RNGTT: variants seen among roughly 807,000 people sequenced by gnomAD.
RNGTT encodes the protein mRNA-capping enzyme.
RNGTT carries 33 observed loss-of-function variants against 79.3 expected under a neutral mutation model. That is an observed-to-expected ratio of 0.42 (90% CI 0.32 to 0.56). The LOEUF (loss-of-function observed/expected upper bound fraction) is 0.56. Ranked by LOEUF, RNGTT falls within the 20% of genes least tolerant of loss-of-function variation. The pLI, the probability that RNGTT is intolerant of heterozygous loss-of-function variation, is 0.17. For synonymous variants in RNGTT, 222 were observed against 235.9 expected (o/e 0.94, Z 0.54); for missense variants, 497 against 739.1 (o/e 0.67, Z 3.80).
At chr6:88,757,492 T>C (rs1778060617) in intron 13 of RNGTT, among the ~76,000 whole-genome samples, 2 of 152,060 alleles carry the variant, frequency 1.3e-5, no homozygotes, top group Non-Finnish European at 2.9e-5. Context: ...TTATATGGGG[T>C]AGAGCTAGTA....
In RNGTT at chr6:88,815,269, C is replaced by G. The variant is rs57226801; in HGVS notation, c.1270-13637G>C. 5.1e-3 allele frequency among the ~76,000 whole-genome samples: 780 copies of G among 152,322 alleles called. 7 individuals are homozygous for G. The highest frequency in any genetic ancestry group is 0.018 in the African/African-American group (742 of 41,564). The stretch of plus-strand genomic sequence containing the variant: ...ATACATCATAGCCAGGAAGAGGTAA[C>G]AGCATCCATGACTCCACCAGGAAAG... On this transcript the variant is annotated intron_variant, in intron 11 of 15. Transcript: ENST00000369485.
chr6:88,844,310 A>T, intron 11 of RNGTT, 47 bp downstream of exon 11: 1 of 1,527,910 alleles, frequency 6.5e-7, no homozygotes, highest in Non-Finnish European at 9.0e-7. Context: ...TGTAAGCTGA[A>T]TTATGAGACA....
At chr6:88,896,239 C>T (rs1379534174) in intron 6 of RNGTT, among the ~76,000 whole-genome samples, 2 of 152,134 alleles carry the variant, frequency 1.3e-5, no homozygotes, top group Non-Finnish European at 2.9e-5. Flanking sequence ...TTAAGGGCTG[C>T]CCTCCCAACC....
intron 2 of RNGTT, among the ~76,000 whole-genome samples, chr6:88,938,412 A>G (rs1325006759): frequency 6.6e-6 from 1 of 152,206 alleles, no homozygotes; most frequent in African/African-American, 2.4e-5. Flanking sequence ...CTTTCAGTCT[A>G]TGTGTGTCTT....
intron 14 of RNGTT, among the ~76,000 whole-genome samples, chr6:88,655,229 G>T (rs1324818605): frequency 6.6e-6 from 1 of 151,774 alleles, no homozygotes; most frequent in African/African-American, 2.4e-5. Flanking sequence ...ATTTAATTTA[G>T]GCTAAATATT....
intron 4 of RNGTT, among the ~76,000 whole-genome samples, chr6:88,922,452 T>C (rs879294159): frequency 1.7e-4 from 26 of 152,158 alleles, no homozygotes; most frequent in Non-Finnish European, 2.9e-4. Flanking sequence ...GCAATAATTA[T>C]ACCAAAAGAA....
intron 12 of RNGTT, among the ~76,000 whole-genome samples, chr6:88,774,353 G>T (rs1483731861): frequency 2.6e-5 from 4 of 151,914 alleles, no homozygotes; most frequent in Non-Finnish European, 4.4e-5. Context: ...GGATAAATCA[G>T]AACATGCACA....
At chr6:88,749,004 C>T (rs1378978068) in intron 13 of RNGTT, among the ~76,000 whole-genome samples, 2 of 151,900 alleles carry the variant, frequency 1.3e-5, no homozygotes, top group South Asian at 2.1e-4. Flanking sequence ...GACAACTATA[C>T]GAACAGCTGA....
intron 14 of RNGTT, among the ~76,000 whole-genome samples, chr6:88,621,203 G>C (rs993542997): frequency 6.6e-6 from 1 of 152,144 alleles, no homozygotes; most frequent in African/African-American, 2.4e-5. Context: ...CTAGCACTTA[G>C]TGGAAATCAA....
In RNGTT at chr6:88,612,630, C is replaced by T. The variant is rs1386350207; in HGVS notation, c.*89G>A. 7 of 1,347,092 alleles carry T rather than the reference C, an allele frequency of 5.2e-6. No homozygotes were observed. Among genetic ancestry groups the T allele is most frequent in the Non-Finnish European group, 7.2e-6 (7 of 973,980 alleles). 83.4% of individuals were successfully genotyped at this position (1,347,092 alleles called of 1,614,324 possible). A position where few individuals can be genotyped will look rare whatever the true frequency, so the allele number is the denominator to read the frequency against. On this transcript the variant is annotated 3_prime_UTR_variant, in exon 16 of 16. Coordinates refer to ENST00000369485, the MANE Select transcript of RNGTT (RefSeq NM_003800.5). ...ATGTGTATCAACATCAAGCCACAGT[C>T]GTTTTTCAATTTCTCTGGCTACAAA...
intron 8 of RNGTT, among the ~76,000 whole-genome samples, chr6:88,881,901 A>G (rs1232874409): frequency 6.6e-6 from 1 of 152,220 alleles, no homozygotes; most frequent in Admixed American, 6.5e-5. Context: ...AATTCAACAG[A>G]CACTTTTCAC....
chr6:88,746,405 A>T (rs144048432), intron 13 of RNGTT, among the ~76,000 whole-genome samples: 1 of 152,248 alleles, frequency 6.6e-6, no homozygotes, highest in East Asian at 1.9e-4. Flanking sequence ...TAAATTATGT[A>T]CCAAATCATC....
chr6:88,834,483 T>C (rs982368246), intron 11 of RNGTT, among the ~76,000 whole-genome samples: 5 of 152,228 alleles, frequency 3.3e-5, no homozygotes, highest in African/African-American at 1.2e-4. Context: ...TCATTTTATC[T>C]TGCATCTGCT....
intron 4 of RNGTT, among the ~76,000 whole-genome samples, chr6:88,908,066 T>C (rs1183270032): frequency 6.6e-6 from 1 of 152,172 alleles, no homozygotes; most frequent in Non-Finnish European, 1.5e-5. Flanking sequence ...CTACAAATTA[T>C]TCTTCTCTGT....
chr6:88,661,112 G>A (rs1774165376), intron 14 of RNGTT, among the ~76,000 whole-genome samples: 1 of 152,112 alleles, frequency 6.6e-6, no homozygotes, highest in South Asian at 2.1e-4. Context: ...AAAGTTCTTT[G>A]AATTGAATGA....
At chr6:88,644,545 A>ATTTAGAC (rs1347643521) in intron 14 of RNGTT, among the ~76,000 whole-genome samples, 77 of 152,318 alleles carry the variant, frequency 5.1e-4, no homozygotes, top group African/African-American at 1.7e-3. Flanking sequence ...CAGAGACACA[A>ATTTAGAC]CAAAAAAAGA....
chr6:88,890,609 C>T lies in RNGTT; in HGVS notation c.795-13G>A. 6.4e-7 allele frequency: 1 copy of T among 1,573,930 alleles called. No individual in the cohort carries two copies. Among genetic ancestry groups the T allele is most frequent in the African/African-American group, 1.4e-5 (1 of 73,972 alleles). ...AGGGAATCCAGACCTTAAAGAAGAACACAGTATTACTATCGTGGCTGGTAT... is the reference window on the plus strand; with the variant it reads ...AGGGAATCCAGACCTTAAAGAAGAATACAGTATTACTATCGTGGCTGGTAT... On this transcript the variant is annotated splice_polypyrimidine_tract_variant and intron_variant, in intron 7 of 15. Transcript: ENST00000369485.
At chr6:88,638,489 T>C (rs1214768692) in intron 14 of RNGTT, among the ~76,000 whole-genome samples, 3 of 152,164 alleles carry the variant, frequency 2.0e-5, no homozygotes, top group Non-Finnish European at 2.9e-5. Context: ...TTAGCTTTTA[T>C]GGATGATCTA....
chr6:88,802,161 T>C (rs1779811252), intron 11 of RNGTT, among the ~76,000 whole-genome samples: 1 of 152,176 alleles, frequency 6.6e-6, no homozygotes, highest in African/African-American at 2.4e-5. Flanking sequence ...ACAAACTTGC[T>C]TGGGGGCAAG....
Sources: allele counts gnomAD v4.1 joint callset (sites outside exome capture counted in the v4.1 genomes callset), GRCh38; gene constraint gnomAD v4.1.1; transcripts MANE v1.5; gene names NCBI Gene and HGNC (gene_info 2026-07-23, HGNC 2026-07-21).